The following SLC24A3 variants were observed in gnomAD, a reference collection of about 807,000 sequenced individuals.
SLC24A3 encodes sodium/potassium/calcium exchanger 3.
In SLC24A3, 28 loss-of-function variants were observed where a neutral mutation model predicts 75.8. The ratio of observed to expected loss-of-function variants is 0.37; its 90% confidence interval spans 0.27 to 0.51. SLC24A3 has a LOEUF of 0.51. SLC24A3 is among the 20% of genes least tolerant of loss of function. The pLI is 0.94. For missense variants in SLC24A3, 663 were observed against 847.8 expected, an observed-to-expected ratio of 0.78 and a Z score of 2.71; for synonymous variants, 372 against 334.1, an observed-to-expected ratio of 1.11 and a Z score of -1.24.
At chr20:19,223,509 A>T (rs1370152466) in intron 1 of SLC24A3, among the ~76,000 whole-genome samples, 1 of 152,110 alleles carries the variant, frequency 6.6e-6, no homozygotes, top group Non-Finnish European at 1.5e-5. Context: ...AATGCCCGAA[A>T]CCATGGATAG....
intron 3 of SLC24A3, among the ~76,000 whole-genome samples, chr20:19,559,592 A>G (rs918423632): frequency 2.0e-5 from 3 of 152,020 alleles, no homozygotes; most frequent in Admixed American, 6.6e-5. Context: ...ATTTTCTCCT[A>G]TATTTTCTTC....
chr20:19,551,988 C>G (rs1036620527), intron 3 of SLC24A3, among the ~76,000 whole-genome samples: 1 of 152,204 alleles, frequency 6.6e-6, no homozygotes, highest in African/African-American at 2.4e-5. Flanking sequence ...GGGCTACTCA[C>G]GTCGCCACTG....
chr20:19,424,552 G>A (rs1568614174), intron 2 of SLC24A3, among the ~76,000 whole-genome samples: 1 of 151,802 alleles, frequency 6.6e-6, no homozygotes, highest in East Asian at 1.9e-4. Flanking sequence ...TAGCCGAGTG[G>A]TAGTGGTGTG....
intron 3 of SLC24A3, among the ~76,000 whole-genome samples, chr20:19,559,766 C>CT (rs1404799886): frequency 1.3e-5 from 2 of 151,938 alleles, no homozygotes; most frequent in South Asian, 2.1e-4. Flanking sequence ...AATTTTGATG[C>CT]TTTTTTATCA....
intron 6 of SLC24A3, among the ~76,000 whole-genome samples, chr20:19,593,676 T>C (rs2031412476): frequency 6.6e-6 from 1 of 152,018 alleles, no homozygotes; most frequent in Non-Finnish European, 1.5e-5. Context: ...CAAAGCAGGG[T>C]AACTGCTTCC....
intron 2 of SLC24A3, among the ~76,000 whole-genome samples, chr20:19,374,012 A>G (rs1173927015): frequency 1.3e-5 from 2 of 152,158 alleles, no homozygotes; most frequent in African/African-American, 2.4e-5. Context: ...TTGGCCACTA[A>G]TGTCCATTTT....
chr20:19,509,294 A>C (rs976081482), intron 2 of SLC24A3, among the ~76,000 whole-genome samples: 3 of 152,230 alleles, frequency 2.0e-5, no homozygotes, highest in Admixed American at 6.5e-5. Flanking sequence ...TCCCAAATAC[A>C]GCAAGCATCC....
At chr20:19,535,823 A>G (rs115085513) in intron 3 of SLC24A3, among the ~76,000 whole-genome samples, 1,760 of 152,296 alleles carry the variant, frequency 0.012, 45 homozygotes, top group African/African-American at 0.04. Flanking sequence ...TAGGAAATTT[A>G]TAAACAATAG....
At chr20:19,714,222 G>A (rs1390914692) in intron 15 of SLC24A3, among the ~76,000 whole-genome samples, 1 of 151,976 alleles carries the variant, frequency 6.6e-6, no homozygotes, top group Non-Finnish European at 1.5e-5. Flanking sequence ...GAGCAACATA[G>A]CAAGATCCTA....
chr20:19,592,383 A>T (rs2122645246), intron 6 of SLC24A3, among the ~76,000 whole-genome samples: 1 of 152,294 alleles, frequency 6.6e-6, no homozygotes, highest in South Asian at 2.1e-4. Context: ...CTTCTGTCCA[A>T]TTTATTTCCA....
chr20:19,430,772 A>G (rs6046086), intron 2 of SLC24A3, among the ~76,000 whole-genome samples: 2,237 of 149,942 alleles, frequency 0.015, 47 homozygotes, highest in African/African-American at 0.052. Context: ...ACTTGCATGC[A>G]TGCACACACA....
At chr20:19,634,289 ATTAGCTCG>A (rs1015881361) in intron 6 of SLC24A3, among the ~76,000 whole-genome samples, 5 of 152,254 alleles carry the variant, frequency 3.3e-5, no homozygotes, top group African/African-American at 1.2e-4. Flanking sequence ...TTTTGATATG[ATTAGCTCG>A]TTCTCTCCCA....
intron 2 of SLC24A3, among the ~76,000 whole-genome samples, chr20:19,451,330 G>A (rs1031263849): frequency 6.6e-6 from 1 of 152,118 alleles, no homozygotes; most frequent in African/African-American, 2.4e-5. Context: ...GACTATTCTC[G>A]CCTGAATCAA....
intron 2 of SLC24A3, among the ~76,000 whole-genome samples, chr20:19,322,767 G>A (rs1039520524): frequency 6.6e-6 from 1 of 152,180 alleles, no homozygotes; most frequent in Non-Finnish European, 1.5e-5. Flanking sequence ...CTCCTGGAAT[G>A]CAGCAAACCC....
rs193085661 is a variant in SLC24A3, at chr20:19,412,481, A to G, written c.272-103007A>G. On this transcript the variant is annotated intron_variant, in intron 2 of 16. Transcript: ENST00000328041. ...GAAGAGTAAATAAGGAGAAGGAGGG[A>G]GAATAAGAAGAGAAGAAACAGAAGA... is the stretch of plus-strand genomic sequence containing the variant. 9.6e-4 allele frequency among the ~76,000 whole-genome samples: 146 copies of G among 152,050 alleles called. 1 individual carries two copies. The Middle Eastern group carries it at 0.02, about 21-fold the overall frequency.
intron 1 of SLC24A3, among the ~76,000 whole-genome samples, chr20:19,231,175 A>G (rs1315404849): frequency 1.3e-5 from 2 of 152,158 alleles, no homozygotes; most frequent in Non-Finnish European, 2.9e-5. Flanking sequence ...ACACTCTTAC[A>G]CTATTTTCCC....
intron 6 of SLC24A3, among the ~76,000 whole-genome samples, chr20:19,637,828 G>A (rs535865472): frequency 4.9e-4 from 74 of 152,162 alleles, no homozygotes; most frequent in Non-Finnish European, 7.5e-4. Context: ...AGATACTCCC[G>A]AAAGCTAATG....
intron 2 of SLC24A3, among the ~76,000 whole-genome samples, chr20:19,385,643 CTT>C (rs112188859): frequency 1.4e-5 from 2 of 141,274 alleles, no homozygotes; most frequent in African/African-American, 2.6e-5. Flanking sequence ...TTAAAATTGG[CTT>C]TTTTTTTTTT....
intron 2 of SLC24A3, among the ~76,000 whole-genome samples, chr20:19,399,870 T>C (rs1457295689): frequency 1.3e-5 from 2 of 152,220 alleles, no homozygotes; most frequent in African/African-American, 4.8e-5. Context: ...TGTTCTCTCT[T>C]ATTTTGGATA....
Sources: gnomAD v4.1 joint callset for allele counts (sites outside exome capture counted in the v4.1 genomes callset) on GRCh38, gnomAD v4.1.1 for gene constraint, MANE v1.5 for transcripts, NCBI Gene and HGNC (gene_info 2026-07-23, HGNC 2026-07-21) for gene names.